The following KCNJ6 variants were observed in gnomAD, a reference collection of about 807,000 sequenced individuals.
KCNJ6 encodes the protein potassium inwardly rectifying channel subfamily J member 6.
Under a neutral mutation model 34.2 loss-of-function variants are expected in KCNJ6, and 9 were observed. The observed-to-expected ratio is 0.26, with a 90% CI of 0.16 to 0.46. The LOEUF (loss-of-function observed/expected upper bound fraction) is 0.46. KCNJ6 is among the 20% of genes least tolerant of loss of function. KCNJ6 has a pLI of 1.00. For synonymous variants in KCNJ6, 196 were observed against 207.1 expected (o/e 0.95, Z 0.46); for missense variants, 236 against 531.3 (o/e 0.44, Z 5.46).
At position 37,624,532 on chromosome 21, in the gene KCNJ6, C is replaced by T. The variant is rs1161383061; in HGVS notation, c.*627G>A. The T allele has an allele frequency of 6.6e-6, 1 of 151,810 alleles. No individual in the cohort carries two copies. The highest frequency in any genetic ancestry group is 2.4e-5 in the African/African-American group (1 of 41,292). 9.4% of individuals were successfully genotyped at this position (151,810 alleles called of 1,614,324 possible). ...TATATCTAAACCTACATTAATGATA[C>T]ATCTATGTACAGTATTTAGCAGTTC... On this transcript the variant is annotated 3_prime_UTR_variant, in exon 4 of 4. Coordinates refer to ENST00000609713, the MANE Select transcript of KCNJ6 (RefSeq NM_002240.5).
chr21:37,771,800 G>C (rs76116721), intron 2 of KCNJ6, among the ~76,000 whole-genome samples: 4,852 of 152,112 alleles, frequency 0.032, 173 homozygotes, highest in African/African-American at 0.086. Context: ...TGCTTTTTTC[G>C]GGGGGAAAAT....
At chr21:37,636,455 C>G (rs1469269614) in intron 3 of KCNJ6, among the ~76,000 whole-genome samples, 1 of 152,214 alleles carries the variant, frequency 6.6e-6, no homozygotes, top group African/African-American at 2.4e-5. Flanking sequence ...TCCGCAGTTT[C>G]TCCACTGAGA....
chr21:37,759,883 G>A (rs1363229893), intron 2 of KCNJ6, among the ~76,000 whole-genome samples: 1 of 152,138 alleles, frequency 6.6e-6, no homozygotes, highest in Non-Finnish European at 1.5e-5. Context: ...GGACTTCTGG[G>A]CTGGGTCACG....
chr21:37,647,489 T>C (rs1464633537), intron 3 of KCNJ6, among the ~76,000 whole-genome samples: 3 of 152,156 alleles, frequency 2.0e-5, no homozygotes, highest in African/African-American at 7.2e-5. Context: ...TAAACAACAT[T>C]TGCCCATGGA....
intron 3 of KCNJ6, among the ~76,000 whole-genome samples, chr21:37,657,462 G>A (rs74522097): frequency 0.015 from 2,265 of 152,244 alleles, 34 homozygotes; most frequent in East Asian, 0.069. Flanking sequence ...CCATAAGGAC[G>A]GGGGATTCTG....
At chr21:37,662,551 A>C (rs1175923787) in intron 3 of KCNJ6, among the ~76,000 whole-genome samples, 4 of 152,218 alleles carry the variant, frequency 2.6e-5, no homozygotes, top group Admixed American at 6.5e-5. Context: ...TGTTATGTGA[A>C]TAGTGCTGCA....
At chr21:37,866,456 C>A (rs555558773) in intron 1 of KCNJ6, among the ~76,000 whole-genome samples, 1 of 152,292 alleles carries the variant, frequency 6.6e-6, no homozygotes, top group South Asian at 2.1e-4. Context: ...TGGGTGGGCA[C>A]AGGCTGCTGG....
chr21:37,632,899 T>A (rs1239931725), intron 3 of KCNJ6, among the ~76,000 whole-genome samples: 1 of 152,092 alleles, frequency 6.6e-6, no homozygotes, highest in Non-Finnish European at 1.5e-5. Context: ...AAAGATGAGT[T>A]CAATGAAATA....
intron 1 of KCNJ6, among the ~76,000 whole-genome samples, chr21:37,890,888 C>G (rs1317281873): frequency 6.6e-6 from 1 of 152,142 alleles, no homozygotes; most frequent in Non-Finnish European, 1.5e-5. Context: ...TGTGGGTTTC[C>G]AAAAACCTTT....
At chr21:37,818,610 C>T (rs141116398) in intron 2 of KCNJ6, among the ~76,000 whole-genome samples, 2 of 152,312 alleles carry the variant, frequency 1.3e-5, no homozygotes, top group Admixed American at 6.5e-5. Flanking sequence ...TTCTCCATAA[C>T]GATAAGACTC....
At chr21:37,689,682 G>C (rs2054631127) in intron 3 of KCNJ6, among the ~76,000 whole-genome samples, 1 of 152,086 alleles carries the variant, frequency 6.6e-6, no homozygotes, top group African/African-American at 2.4e-5. Context: ...TTACCACTGA[G>C]TATCAGACAA....
chr21:37,859,531 A>ATATATATATATATATAT (rs1491433754), intron 1 of KCNJ6, among the ~76,000 whole-genome samples: 25 of 86,382 alleles, frequency 2.9e-4, no homozygotes, highest in African/African-American at 6.0e-4. Flanking sequence ...ATATATATAT[A>ATATATATATATATATAT]AAATACTTAA....
Position 37,609,432 on chromosome 21 carries a change from A to G in KCNJ6, c.*15727T>C, listed in dbSNP as rs1159601746. 1.3e-5 allele frequency: 2 copies of G among 152,194 alleles called. No individual in the cohort carries two copies. The highest frequency in any genetic ancestry group is 4.8e-5 in the African/African-American group (2 of 41,446). The allele number at this position is 152,194 out of a possible 1,614,324, so 9.4% of individuals were successfully genotyped here. A position where few individuals can be genotyped will look rare whatever the true frequency, so the allele number is the denominator to read the frequency against. On this transcript the variant is annotated 3_prime_UTR_variant, in exon 4 of 4. Coordinates refer to ENST00000609713, the MANE Select transcript of KCNJ6 (RefSeq NM_002240.5). ...TATTGAAACCTTGGCACTGCTAGAG[A>G]CTTTTGAACTAATAGCTTTCTGGAA...
At chr21:37,748,057 G>A (rs902056771) in intron 2 of KCNJ6, among the ~76,000 whole-genome samples, 2 of 152,128 alleles carry the variant, frequency 1.3e-5, no homozygotes, top group Non-Finnish European at 2.9e-5. Context: ...GTAATGTGTT[G>A]TGCAGACTTA....
intron 1 of KCNJ6, among the ~76,000 whole-genome samples, chr21:37,879,470 G>A (rs1331303313): frequency 6.6e-6 from 1 of 152,078 alleles, no homozygotes; most frequent in Non-Finnish European, 1.5e-5. Context: ...GGTTGGCTAT[G>A]ACCTATACTG....
intron 2 of KCNJ6, among the ~76,000 whole-genome samples, chr21:37,753,294 G>C (rs954870602): frequency 2.6e-5 from 4 of 152,154 alleles, no homozygotes; most frequent in Admixed American, 6.5e-5. Context: ...TCCTGACTTG[G>C]GGGCCAGCTG....
At chr21:37,838,687 C>T (rs2055464049) in intron 2 of KCNJ6, among the ~76,000 whole-genome samples, 5 of 152,194 alleles carry the variant, frequency 3.3e-5, no homozygotes, top group Admixed American at 3.3e-4. Context: ...ATGGCACTGG[C>T]CACATTCTTT....
chr21:37,747,090 C>T (rs922439958), intron 2 of KCNJ6, among the ~76,000 whole-genome samples: 8 of 152,194 alleles, frequency 5.3e-5, no homozygotes, highest in African/African-American at 1.7e-4. Context: ...CCCAGGCCCA[C>T]ACATGCATGA....
rs556350801 is a variant in KCNJ6 at position 37,880,359 on chromosome 21, T to C, written c.-28+35525A>G. On this transcript the variant is annotated intron_variant, in intron 1 of 3. Coordinates refer to ENST00000609713, the MANE Select transcript of KCNJ6 (RefSeq NM_002240.5). Reference sequence around the variant, plus strand: ...CACCTCTCACCTCTGCAGAGAAACATTGGAATTTAGTCCTGGTTTGGGGGA... The same window carrying C: ...CACCTCTCACCTCTGCAGAGAAACACTGGAATTTAGTCCTGGTTTGGGGGA... Among the ~76,000 whole-genome samples the C allele has an allele frequency of 6.6e-5, 10 of 152,312 alleles. No individual in the cohort carries two copies. In the South Asian group the frequency reaches 2.1e-3, roughly 32 times the overall value.
Sources: gnomAD v4.1 joint callset for allele counts (sites outside exome capture counted in the v4.1 genomes callset) on GRCh38, gnomAD v4.1.1 for gene constraint, MANE v1.5 for transcripts, NCBI Gene and HGNC (gene_info 2026-07-23, HGNC 2026-07-21) for gene names.